The following GET1 variants were observed in gnomAD, a reference collection of about 807,000 sequenced individuals.
GET1 encodes the protein guided entry of tail-anchored proteins factor 1.
In GET1, 20 loss-of-function variants were observed where a neutral mutation model predicts 22.6. The observed-to-expected ratio is 0.89, with a 90% CI of 0.62 to 1.29. GET1 has a LOEUF of 1.29. Ranked by LOEUF, GET1 falls within the 50% of genes most tolerant of loss-of-function variation. The pLI, the probability that GET1 is intolerant of heterozygous loss-of-function variation, is 0.00. For synonymous variants in GET1, 92 were observed against 83.8 expected, an observed-to-expected ratio of 1.10 and a Z score of -0.53; for missense variants, 209 against 219.9, an observed-to-expected ratio of 0.95 and a Z score of 0.31.
At chr21:39,409,239 C>G (rs148668590), downstream of GET1, among the ~76,000 whole-genome samples, 86 of 152,256 alleles carry the variant, frequency 5.6e-4, no homozygotes, top group Non-Finnish European at 1.1e-3. The surrounding 1 kb of genome is among the most constrained non-coding windows in gnomAD (Gnocchi z 4.2). Flanking sequence ...CATCTAAAGC[C>G]AGGAAGAGGG....
chr21:39,391,533 T>G, intron 2 of GET1: 1 of 459,360 alleles, frequency 2.2e-6, no homozygotes. Context: ...GTTTTAAGAG[T>G]TTTCAAAATT....
chr21:39,392,596 C>G (rs1260727238), intron 3 of GET1, among the ~76,000 whole-genome samples: 1 of 152,170 alleles, frequency 6.6e-6, no homozygotes, highest in East Asian at 1.9e-4. Context: ...AGGAAGGGGA[C>G]AGATGACAAT....
downstream of GET1, chr21:39,410,731 T>C: frequency 2.4e-6 from 1 of 425,310 alleles, no homozygotes; most frequent in Non-Finnish European, 4.7e-6. Flanking sequence ...GTGGTTAGAC[T>C]GTCCATGCTG....
intron 4 of GET1, among the ~76,000 whole-genome samples, chr21:39,394,104 CG>C (rs2038484687): frequency 6.6e-6 from 1 of 151,838 alleles, no homozygotes; most frequent in African/African-American, 2.4e-5. Context: ...CCAAGGTGGG[CG>C]GATTGCCTGA....
At chr21:39,396,420 C>T (rs551251224) in intron 4 of GET1, among the ~76,000 whole-genome samples, 7 of 152,088 alleles carry the variant, frequency 4.6e-5, no homozygotes, top group Non-Finnish European at 2.9e-5. Context: ...CCCAGCTACT[C>T]GGGAGGCTGA....
At position 39,406,431 on chromosome 21, in the gene GET1, T is replaced by G. The variant is rs138939918; in HGVS notation, c.*447T>G. On this transcript the variant is annotated 3_prime_UTR_variant, in exon 5 of 5. Transcript: ENST00000415847. ...TGCTTCTTTTAAACTTTTCTCTTAC[T>G]AGAACATCTTCTTGATTGCTTTCTC... The G allele has an allele frequency of 2.4e-4, 394 of 1,614,154 alleles. 2 individuals carry two copies. The African/African-American group carries it at 4.2e-3, about 17-fold the overall frequency.
At chr21:39,385,873 C>G (rs912206589) in intron 1 of GET1, among the ~76,000 whole-genome samples, 2 of 152,226 alleles carry the variant, frequency 1.3e-5, no homozygotes, top group Non-Finnish European at 2.9e-5. Context: ...CGCTCCAGGA[C>G]TGGCGCGGGC....
rs187864814 is a variant in GET1 at position 39,393,678 on chromosome 21, C to T, written c.451+398C>T. 2.6e-5 allele frequency among the ~76,000 whole-genome samples: 4 copies of T among 152,250 alleles called. No homozygotes were observed. In the South Asian group the frequency reaches 6.2e-4, roughly 24 times the overall value. On this transcript the variant is annotated intron_variant, in intron 4 of 4. Coordinates refer to ENST00000649170, the MANE Select transcript of GET1 (RefSeq NM_004627.6). ...TTTTTTATTTTTTGAGACTGAGTCT[C>T]ACTCCGTCACCCAGGCTGGAGTCAG...
intron 1 of GET1, among the ~76,000 whole-genome samples, chr21:39,382,725 A>G (rs868051521): frequency 6.6e-6 from 1 of 152,170 alleles, no homozygotes; most frequent in African/African-American, 2.4e-5. Flanking sequence ...ATGTTTACAA[A>G]TATCTCTTTG....
intron 1 of GET1, among the ~76,000 whole-genome samples, chr21:39,387,387 T>C (rs949735619): frequency 2.0e-5 from 3 of 152,230 alleles, no homozygotes; most frequent in African/African-American, 7.2e-5. Flanking sequence ...TGAAGTGTAA[T>C]TTGTATAAGG....
intron 2 of GET1, chr21:39,391,533 T>A: frequency 2.2e-6 from 1 of 459,360 alleles, no homozygotes; most frequent in Non-Finnish European, 3.9e-6. Context: ...GTTTTAAGAG[T>A]TTTCAAAATT....
At chr21:39,425,606 C>T (rs1182176014) in intron 1 of GET1, among the ~76,000 whole-genome samples, 1 of 152,122 alleles carries the variant, frequency 6.6e-6, no homozygotes, top group Non-Finnish European at 1.5e-5. Context: ...TTGTTGAGGC[C>T]GTACACTTTA....
At chr21:39,427,467 C>G (rs1377924470) in intron 1 of GET1, among the ~76,000 whole-genome samples, 1 of 151,968 alleles carries the variant, frequency 6.6e-6, no homozygotes, top group Non-Finnish European at 1.5e-5. Context: ...TCGAGACCAT[C>G]CTGGCTAACA....
chr21:39,428,317 T>G (rs758603642), exon 2 of GET1: 4 of 1,613,426 alleles, frequency 2.5e-6, no homozygotes, highest in Non-Finnish European at 2.5e-6. Flanking sequence ...AACTTAAACT[T>G]CCACAGGAGC....
chr21:39,392,152 GATGAC>G (rs748663472), intron 3 of GET1: 50 of 279,836 alleles, frequency 1.8e-4, no homozygotes, highest in Admixed American at 2.7e-4. Context: ...GAGGCTTATA[GATGAC>G]ATCAGTTTTT....
chr21:39,390,997 G>A, intron 2 of GET1, 134 bp downstream of exon 2: 1 of 984,224 alleles, frequency 1.0e-6, no homozygotes, highest in Non-Finnish European at 1.5e-6. Flanking sequence ...TTATCTGGAG[G>A]AAACTCAGTA....
downstream of GET1, chr21:39,410,943 T>C: frequency 2.1e-6 from 1 of 470,812 alleles, no homozygotes; most frequent in Non-Finnish European, 4.4e-6. Flanking sequence ...CAGAGGTGAG[T>C]ATTCCTATGG....
intron 1 of GET1, chr21:39,428,132 G>C: frequency 4.3e-6 from 5 of 1,163,392 alleles, no homozygotes; most frequent in Non-Finnish European, 6.2e-6. Flanking sequence ...ACATCATTAT[G>C]ACAGAAATTT....
intron 1 of GET1, chr21:39,387,919 C>A: frequency 1.1e-6 from 1 of 869,646 alleles, no homozygotes; most frequent in Non-Finnish European, 1.4e-6. Context: ...TTTAGATACA[C>A]TATAACATTT....
Sources: allele counts gnomAD v4.1 joint callset (sites outside exome capture counted in the v4.1 genomes callset), GRCh38; gene constraint gnomAD v4.1.1; non-coding constraint Gnocchi (gnomAD v3.1); transcripts MANE v1.5; gene names NCBI Gene and HGNC (gene_info 2026-07-23, HGNC 2026-07-21).